Variants in LDB3 observed in about 807,000 individuals in gnomAD.
LDB3 encodes the protein LIM domain binding 3, also known as LIM domain-binding protein 3.
A neutral mutation model predicts 69.0 loss-of-function variants in LDB3; 49 were observed. The ratio of observed to expected loss-of-function variants is 0.71; its 90% CI spans 0.56 to 0.90. LDB3 has a LOEUF of 0.90. Ranked by LOEUF, LDB3 falls within the 40% of genes least tolerant of loss-of-function variation. LDB3 has a pLI of 0.00. For missense variants in LDB3, 928 were observed against 974.1 expected (o/e 0.95, Z 0.63); for synonymous variants, 387 against 396.2 (o/e 0.98, Z 0.28).
chr10:86,731,179 T>C (rs1018931537), intron 13 of LDB3, among the ~76,000 whole-genome samples: 2 of 149,690 alleles, frequency 1.3e-5, no homozygotes, highest in African/African-American at 4.9e-5. Context: ...GAATTTCATC[T>C]CTTTTGTTTT....
chr10:86,719,392 CAAA>C (rs71487276), intron 12 of LDB3, among the ~76,000 whole-genome samples: 1 of 134,200 alleles, frequency 7.5e-6, no homozygotes, highest in African/African-American at 2.7e-5. Context: ...TCCTGTATCT[CAAA>C]AAAAAAAAAA....
In LDB3 at chr10:86,681,538, T is replaced by G; in HGVS notation, c.424T>G (p.Phe142Val). 1 of 1,612,774 alleles carries G rather than the reference T, an allele frequency of 6.2e-7. No homozygotes were observed. The highest frequency in any genetic ancestry group is 8.5e-7 in the Non-Finnish European group (1 of 1,179,788). ...TPGTPELRPT[F>V]SPAFSRPSAF... is the part of the protein sequence containing the mutation. ...AGGCACCCCGGAGCTCAGGCCCACC[T>G]TTAGCCCTGCCTTCTCCCGGCCCTC... The change falls in exon 5 of 14, where the codon TTT becomes GTT. Residue 142 changes from phenylalanine (F) to valine (V), a missense_variant. By Grantham distance (50) the Phe-to-Val change is conservative. Transcript: ENST00000361373.
chr10:86,701,023 G>A (rs781027942), intron 7 of LDB3, among the ~76,000 whole-genome samples: 3 of 152,124 alleles, frequency 2.0e-5, no homozygotes, highest in Non-Finnish European at 4.4e-5. Flanking sequence ...AGGAACCTTC[G>A]CAATCCCACC....
chr10:86,728,581 C>CTTTTGGTTTTT (rs1847342108), intron 13 of LDB3, among the ~76,000 whole-genome samples: 1 of 97,580 alleles, frequency 1.0e-5, no homozygotes, highest in African/African-American at 3.6e-5. Context: ...GAACATGGTT[C>CTTTTGGTTTTT]TTTTGTTTTT....
chr10:86,696,393 A>G (rs1295248017), intron 7 of LDB3, among the ~76,000 whole-genome samples: 1 of 152,148 alleles, frequency 6.6e-6, no homozygotes, highest in Non-Finnish European at 1.5e-5. Context: ...AGCACCAGGG[A>G]TGTTGCCCCA....
chr10:86,676,238 C>T (rs772561180), intron 2 of LDB3, among the ~76,000 whole-genome samples: 2 of 152,030 alleles, frequency 1.3e-5, no homozygotes, highest in Non-Finnish European at 2.9e-5. Context: ...GGGGAAGGGG[C>T]GCTGTGGGCA....
intron 9 of LDB3, among the ~76,000 whole-genome samples, chr10:86,715,033 AG>A (rs1375653202): frequency 1.3e-5 from 2 of 152,160 alleles, no homozygotes; most frequent in Non-Finnish European, 2.9e-5. Context: ...TGGGAGTGGA[AG>A]GTGCAGAGTG....
intron 4 of LDB3, 75 bp from the exon 5 acceptor site, chr10:86,681,361 A>C (rs1433621958): frequency 6.3e-7 from 1 of 1,589,920 alleles, no homozygotes. Context: ...TTTCAGGTCC[A>C]CGCAGGAGCG....
chr10:86,688,050 C>CGTGTGTGTGTGTGTGTGTGTGT (rs71487273), intron 5 of LDB3, among the ~76,000 whole-genome samples: 2 of 102,894 alleles, frequency 1.9e-5, no homozygotes, highest in Non-Finnish European at 2.0e-5. Context: ...CCCCGACCCT[C>CGTGTGTGTGTGTGTGTGTGTGT]GTGTGTGTGT....
At chr10:86,682,941 AC>A (rs112669026) in intron 5 of LDB3, among the ~76,000 whole-genome samples, 4 of 149,740 alleles carry the variant, frequency 2.7e-5, no homozygotes, top group Middle Eastern at 3.4e-3. Flanking sequence ...CAGCTTCCCC[AC>A]CCCCCCAGCT....
At position 86,698,859 on chromosome 10, in the gene LDB3, C is replaced by T. The variant is rs557427775; in HGVS notation, c.896+6288C>T. Among the ~76,000 whole-genome samples the T allele has an allele frequency of 2.1e-4, 32 of 152,260 alleles. No homozygotes were observed. In the East Asian group the frequency reaches 2.5e-3, roughly 12 times the overall value. ...GCCCAGCTAGGGGACAGAGATCATGCGAGGTGCACCTGTCTGTTTGGTTCA... is the reference window on the plus strand; with the variant it reads ...GCCCAGCTAGGGGACAGAGATCATGTGAGGTGCACCTGTCTGTTTGGTTCA... On this transcript the variant is annotated intron_variant, in intron 7 of 13. Coordinates refer to ENST00000361373, the MANE Select transcript of LDB3 (RefSeq NM_007078.3).
At chr10:86,695,576 A>G (rs940793925) in intron 7 of LDB3, among the ~76,000 whole-genome samples, 3 of 152,210 alleles carry the variant, frequency 2.0e-5, no homozygotes, top group Admixed American at 6.5e-5. Flanking sequence ...TGCCTTGAAC[A>G]TCAGCCTTCT....
intron 7 of LDB3, among the ~76,000 whole-genome samples, chr10:86,701,883 C>A (rs937518274): frequency 3.9e-5 from 6 of 152,196 alleles, no homozygotes; most frequent in East Asian, 1.9e-4. Context: ...TCTAGACTCC[C>A]AGGCTATGGG....
At chr10:86,697,115 C>G (rs1018850861) in intron 7 of LDB3, among the ~76,000 whole-genome samples, 3 of 152,018 alleles carry the variant, frequency 2.0e-5, no homozygotes, top group Non-Finnish European at 4.4e-5. Context: ...GGGCCAGCCC[C>G]GATGACTGTT....
In LDB3 at chr10:86,716,562, C is replaced by A; in HGVS notation, c.1467C>A (p.Pro489=). 3.1e-6 allele frequency: 5 copies of A among 1,613,796 alleles called. No homozygotes were observed. Among genetic ancestry groups the A allele is most frequent in the Non-Finnish European group, 4.2e-6 (5 of 1,179,944 alleles). Residue 489 remains proline, a synonymous_variant, in exon 10 of 14, where the codon CCC becomes CCA. Transcript: ENST00000361373. ...GGPAEPASRP[P]WVTDDSFSQK... is the part of the protein sequence containing the mutation. Reference sequence around the variant, plus strand: ...CTGCGGAGCCTGCCAGCCGTCCACCCTGGGTGACAGATGATAGCTTCTCCC... The same window carrying A: ...CTGCGGAGCCTGCCAGCCGTCCACCATGGGTGACAGATGATAGCTTCTCCC...
intron 9 of LDB3, among the ~76,000 whole-genome samples, chr10:86,711,558 C>T (rs970382344): frequency 6.6e-6 from 1 of 151,978 alleles, no homozygotes; most frequent in Non-Finnish European, 1.5e-5. Flanking sequence ...GTCCCGAGCC[C>T]CCCTCCGCTC....
chr10:86,689,455 G>C (rs1160937342), intron 5 of LDB3, among the ~76,000 whole-genome samples: 2 of 152,192 alleles, frequency 1.3e-5, no homozygotes, highest in Admixed American at 1.3e-4. Context: ...GCAAGTACTT[G>C]TCTCTTGGGG....
chr10:86,700,324 C>A (rs1017810660), intron 7 of LDB3, among the ~76,000 whole-genome samples: 1 of 152,148 alleles, frequency 6.6e-6, no homozygotes, highest in East Asian at 1.9e-4. Flanking sequence ...TATGGGAATA[C>A]TCGAATGCCC....
intron 5 of LDB3, among the ~76,000 whole-genome samples, chr10:86,690,651 G>A (rs1845712461): frequency 6.6e-6 from 1 of 152,228 alleles, no homozygotes; most frequent in Admixed American, 6.5e-5. Flanking sequence ...GAGGGTATAA[G>A]ACATGGACAA....
Sources: gnomAD v4.1 joint callset for allele counts (sites outside exome capture counted in the v4.1 genomes callset) on GRCh38, gnomAD v4.1.1 for gene constraint, MANE v1.5 for transcripts, NCBI Gene and HGNC (gene_info 2026-07-23, HGNC 2026-07-21) for gene names.